The following TRPC4 variants were observed in gnomAD, a reference collection of about 807,000 sequenced individuals.
TRPC4 encodes the protein transient receptor potential cation channel subfamily C member 4, also known as short transient receptor potential channel 4.
A neutral mutation model predicts 99.4 loss-of-function variants in TRPC4; 49 were observed. The ratio of observed to expected loss-of-function variants is 0.49; its 90% CI spans 0.39 to 0.63. The LOEUF is 0.63. TRPC4 is among the 20% of genes least tolerant of loss of function. The pLI, the probability that TRPC4 is intolerant of heterozygous loss-of-function variation, is 0.00. For missense variants in TRPC4, 898 were observed against 1,152.9 expected, an observed-to-expected ratio of 0.78 and a Z score of 3.20; for synonymous variants, 454 against 425.9, an observed-to-expected ratio of 1.07 and a Z score of -0.81.
intron 6 of TRPC4, among the ~76,000 whole-genome samples, chr13:37,661,151 A>G (rs1952423492): frequency 6.6e-6 from 1 of 152,228 alleles, no homozygotes; most frequent in Non-Finnish European, 1.5e-5. Context: ...GCTTTTCATG[A>G]CAATAGAGGA....
intron 1 of TRPC4, among the ~76,000 whole-genome samples, chr13:37,858,298 C>T (rs903900200): frequency 4.0e-5 from 6 of 151,548 alleles, no homozygotes; most frequent in Non-Finnish European, 8.9e-5. Flanking sequence ...GAAAGGGGAA[C>T]CCTCATACAT....
intron 3 of TRPC4, among the ~76,000 whole-genome samples, chr13:37,716,237 C>T (rs1401573293): frequency 1.3e-5 from 2 of 152,090 alleles, no homozygotes; most frequent in Admixed American, 6.6e-5. Context: ...TGGCAATCAC[C>T]TTACCCTTCA....
intron 1 of TRPC4, among the ~76,000 whole-genome samples, chr13:37,797,985 C>T (rs532441481): frequency 1.3e-5 from 2 of 152,202 alleles, no homozygotes; most frequent in South Asian, 4.1e-4. Flanking sequence ...CATATTGGCA[C>T]TTAGATAGTG....
rs185159296 is a variant in TRPC4, at chr13:37,801,667, C to T, written c.-27-18307G>A. Among the ~76,000 whole-genome samples the T allele has an allele frequency of 2.0e-5, 3 of 152,090 alleles. No individual in the cohort carries two copies. In the East Asian group the frequency reaches 5.8e-4, roughly 29 times the overall value. ...GTCTTTGGGCACTAAGTGGGTATTACGAATTGTAGAGATACTGCTTTTCCT... is the reference window on the plus strand; with the variant it reads ...GTCTTTGGGCACTAAGTGGGTATTATGAATTGTAGAGATACTGCTTTTCCT... On this transcript the variant is annotated intron_variant, in intron 1 of 10. Coordinates refer to ENST00000379705, the MANE Select transcript of TRPC4 (RefSeq NM_016179.4).
chr13:37,830,240 C>T (rs1958379387), intron 1 of TRPC4, among the ~76,000 whole-genome samples: 1 of 151,922 alleles, frequency 6.6e-6, no homozygotes, highest in Admixed American at 6.6e-5. Context: ...AAATTTCCCT[C>T]CAGCTGGCTG....
At chr13:37,680,524 T>C (rs142036745) in intron 4 of TRPC4, among the ~76,000 whole-genome samples, 163 of 152,324 alleles carry the variant, frequency 1.1e-3, no homozygotes, top group African/African-American at 3.7e-3. Flanking sequence ...CCTATTAGGA[T>C]TGTGACAATT....
intron 1 of TRPC4, among the ~76,000 whole-genome samples, chr13:37,846,513 T>C (rs1174921790): frequency 6.6e-6 from 1 of 152,042 alleles, no homozygotes; most frequent in African/African-American, 2.4e-5. Flanking sequence ...CTTAAAGTAG[T>C]CTGTTACAGG....
At chr13:37,825,896 G>A (rs1328982291) in intron 1 of TRPC4, among the ~76,000 whole-genome samples, 1 of 149,110 alleles carries the variant, frequency 6.7e-6, no homozygotes, top group Non-Finnish European at 1.5e-5. Context: ...CATTATTAAT[G>A]TGTGGGAGTC....
At chr13:37,808,575 A>G (rs1957590338) in intron 1 of TRPC4, among the ~76,000 whole-genome samples, 1 of 152,058 alleles carries the variant, frequency 6.6e-6, no homozygotes, top group African/African-American at 2.4e-5. Flanking sequence ...TGTCTTGTAG[A>G]ACTACAGGAA....
chr13:37,822,419 TC>T (rs1160697885), intron 1 of TRPC4, among the ~76,000 whole-genome samples: 69 of 132,228 alleles, frequency 5.2e-4, no homozygotes, highest in Admixed American at 1.4e-3. Context: ...ATGCTATCCC[TC>T]CCCCCCCACC....
intron 3 of TRPC4, among the ~76,000 whole-genome samples, chr13:37,742,811 C>G (rs1955631160): frequency 6.6e-6 from 1 of 152,038 alleles, no homozygotes; most frequent in Admixed American, 6.6e-5. Context: ...TACTAGAAAA[C>G]CTTTAATATT....
intron 1 of TRPC4, among the ~76,000 whole-genome samples, chr13:37,791,246 ATTAG>A (rs932140586): frequency 6.6e-6 from 1 of 151,922 alleles, no homozygotes; most frequent in Non-Finnish European, 1.5e-5. Context: ...ATGAAAAAAA[ATTAG>A]CCGGGCATAG....
chr13:37,745,538 GTATA>G (rs67537956), intron 3 of TRPC4, among the ~76,000 whole-genome samples: 16,096 of 127,936 alleles, frequency 0.13, 1,181 homozygotes, highest in Admixed American at 0.19. Context: ...GTATATATAC[GTATA>G]TATATATATA....
intron 5 of TRPC4, among the ~76,000 whole-genome samples, chr13:37,672,264 T>A (rs1038447987): frequency 2.0e-5 from 3 of 152,190 alleles, no homozygotes; most frequent in Non-Finnish European, 4.4e-5. Context: ...ACAAATGTAA[T>A]AAATACAAAC....
chr13:37,827,647 G>A (rs546982597), intron 1 of TRPC4, among the ~76,000 whole-genome samples: 31 of 152,268 alleles, frequency 2.0e-4, no homozygotes, highest in Admixed American at 3.3e-4. Context: ...CTCCAGCTGC[G>A]TACTGGGAGA....
chr13:37,852,544 T>C (rs1959086495), intron 1 of TRPC4, among the ~76,000 whole-genome samples: 1 of 152,094 alleles, frequency 6.6e-6, no homozygotes, highest in Non-Finnish European at 1.5e-5. Flanking sequence ...TTCCCAGCAA[T>C]GGTGGCTATT....
At chr13:37,658,709 C>T (rs1952326320) in intron 6 of TRPC4, among the ~76,000 whole-genome samples, 2 of 152,136 alleles carry the variant, frequency 1.3e-5, no homozygotes, top group African/African-American at 4.8e-5. Flanking sequence ...TAAAATTGCA[C>T]ATAGAATAGT....
chr13:37,836,803 A>C (rs929677575), intron 1 of TRPC4, among the ~76,000 whole-genome samples: 1 of 152,226 alleles, frequency 6.6e-6, no homozygotes, highest in Admixed American at 6.5e-5. Flanking sequence ...ACAAGGAGCC[A>C]AATGTTAATC....
chr13:37,855,884 G>A, intron 1 of TRPC4, among the ~76,000 whole-genome samples: 1 of 151,782 alleles, frequency 6.6e-6, no homozygotes, highest in Middle Eastern at 3.2e-3. Flanking sequence ...AGCTAAAGCA[G>A]TACTAAGAGG....
Sources: gnomAD v4.1 joint callset for allele counts (sites outside exome capture counted in the v4.1 genomes callset) on GRCh38, gnomAD v4.1.1 for gene constraint, MANE v1.5 for transcripts, NCBI Gene and HGNC (gene_info 2026-07-23, HGNC 2026-07-21) for gene names.